OSBPL1A: variants seen among roughly 807,000 people sequenced by gnomAD.
OSBPL1A encodes the protein oxysterol binding protein like 1A, also known as oxysterol-binding protein-related protein 1.
Under a neutral mutation model 137.1 loss-of-function variants are expected in OSBPL1A, and 80 were observed. The ratio of observed to expected loss-of-function variants is 0.58; its 90% CI spans 0.49 to 0.70. The LOEUF is 0.70. OSBPL1A is among the 30% of genes least tolerant of loss of function. The probability of loss-of-function intolerance (pLI) is 0.00; values close to 1 mark genes in which losing one functional copy is unlikely to be tolerated. For synonymous variants in OSBPL1A, 365 were observed against 389.7 expected (o/e 0.94, Z 0.75); for missense variants, 970 against 1,129.4 (o/e 0.86, Z 2.02).
At chr18:24,240,963 A>G (rs1251299320) in intron 15 of OSBPL1A, among the ~76,000 whole-genome samples, 1 of 152,330 alleles carries the variant, frequency 6.6e-6, no homozygotes, top group South Asian at 2.1e-4. Context: ...GGCCTGAGAA[A>G]TAACACCACA....
At chr18:24,169,588 GA>G (rs1357056650) in intron 24 of OSBPL1A, among the ~76,000 whole-genome samples, 15 of 152,254 alleles carry the variant, frequency 9.9e-5, no homozygotes, top group African/African-American at 2.9e-4. Flanking sequence ...AGAGAGATGA[GA>G]AATCTCGGCT....
intron 15 of OSBPL1A, among the ~76,000 whole-genome samples, chr18:24,267,713 G>A (rs1235768708): frequency 6.6e-6 from 1 of 151,930 alleles, no homozygotes; most frequent in African/African-American, 2.4e-5. Flanking sequence ...AAGAACATCT[G>A]ATAAAACTCA....
At position 24,196,173 on chromosome 18, in the gene OSBPL1A, G is replaced by A. The variant is rs1264351186; in HGVS notation, c.1629C>T (p.Ser543=). ...TGCTCCAGATACTGAAGTCATTTCTGGAAAACATAGGAGAAGGCAAACTTG... is the reference window on the plus strand; with the variant it reads ...TGCTCCAGATACTGAAGTCATTTCTAGAAAACATAGGAGAAGGCAAACTTG... ...HRTSLPSPMF[S]RNDFSIWSIL... The change falls in exon 18 of 28, where the codon TCC becomes TCT. Residue 543 remains serine, a synonymous_variant. Transcript: ENST00000319481. The A allele has an allele frequency of 1.9e-6, 3 of 1,610,270 alleles. No individual in the cohort carries two copies. The African/African-American group carries it at 4.0e-5, about 22-fold the overall frequency.
At chr18:24,230,170 C>A (rs1318741414) in intron 16 of OSBPL1A, among the ~76,000 whole-genome samples, 2 of 152,188 alleles carry the variant, frequency 1.3e-5, no homozygotes, top group African/African-American at 4.8e-5. Context: ...TGCATCCTGC[C>A]TCCCATGTGC....
intron 16 of OSBPL1A, among the ~76,000 whole-genome samples, chr18:24,226,887 A>ATTTTTTTTTTTTTTTTTTTTTTTTT (rs5823416): frequency 9.9e-6 from 1 of 100,860 alleles, no homozygotes; most frequent in Non-Finnish European, 1.9e-5. Flanking sequence ...AAAGAAACAG[A>ATTTTTTTTTTTTTTTTTTTTTTTTT]TTTTTTTTTT....
intron 5 of OSBPL1A, among the ~76,000 whole-genome samples, chr18:24,337,081 T>C (rs1416186819): frequency 6.6e-6 from 1 of 152,208 alleles, no homozygotes; most frequent in Non-Finnish European, 1.5e-5. Flanking sequence ...TGGCATGGGA[T>C]AGAAACTCAC....
At chr18:24,221,480 GA>G (rs1567955474) in intron 17 of OSBPL1A, among the ~76,000 whole-genome samples, 1 of 152,006 alleles carries the variant, frequency 6.6e-6, no homozygotes, top group East Asian at 1.9e-4. Flanking sequence ...GAATCAGACA[GA>G]AAAAAAGTCC....
intron 4 of OSBPL1A, among the ~76,000 whole-genome samples, chr18:24,360,459 C>A (rs910852057): frequency 6.6e-6 from 1 of 152,222 alleles, no homozygotes; most frequent in Non-Finnish European, 1.5e-5. Context: ...AATTAGAAAC[C>A]AAACTCTTTG....
intron 26 of OSBPL1A, 72 bp from the exon 27 acceptor site, chr18:24,165,227 G>T: frequency 7.6e-7 from 1 of 1,324,394 alleles, no homozygotes. Context: ...TTAAGCACAA[G>T]AACTTCACAA....
intron 15 of OSBPL1A, among the ~76,000 whole-genome samples, chr18:24,261,725 A>T (rs368319280): frequency 3.9e-5 from 6 of 152,196 alleles, no homozygotes; most frequent in African/African-American, 1.4e-4. Flanking sequence ...CCCAGCTATG[A>T]GGAAGGCTAA....
At chr18:24,317,492 T>G (rs888464504) in intron 9 of OSBPL1A, 92 bp from the exon 10 acceptor site, 4 of 1,020,024 alleles carry the variant, frequency 3.9e-6, no homozygotes, top group African/African-American at 3.3e-5. Context: ...ACAGTCATAT[T>G]TGAGTCTTTA....
At chr18:24,342,084 CAAAAT>C (rs1412147313) in intron 4 of OSBPL1A, among the ~76,000 whole-genome samples, 1 of 152,064 alleles carries the variant, frequency 6.6e-6, no homozygotes, top group Non-Finnish European at 1.5e-5. Context: ...GATATTTAAA[CAAAAT>C]AAAGCATTAT....
At chr18:24,382,233 C>T (rs1436221819) in intron 1 of OSBPL1A, among the ~76,000 whole-genome samples, 14 of 73,434 alleles carry the variant, frequency 1.9e-4, no homozygotes, top group African/African-American at 9.6e-4. Flanking sequence ...AACGTCTCTA[C>T]TAAAAAAAAA....
At chr18:24,173,984 T>C (rs1214794881) in intron 21 of OSBPL1A, among the ~76,000 whole-genome samples, 1 of 152,212 alleles carries the variant, frequency 6.6e-6, no homozygotes, top group Non-Finnish European at 1.5e-5. Flanking sequence ...CCAGACGTCA[T>C]ATAAATGTAG....
intron 4 of OSBPL1A, among the ~76,000 whole-genome samples, chr18:24,348,975 T>C (rs1024766190): frequency 6.6e-6 from 1 of 151,736 alleles, no homozygotes; most frequent in African/African-American, 2.4e-5. Flanking sequence ...GAGACCAACC[T>C]AGGCAACGTG....
At position 24,217,258 on chromosome 18, in the gene OSBPL1A, C is replaced by CTT. The variant is rs562612104; in HGVS notation, c.1601+7782_1601+7783dup. ...TTTATTTTTTGAGACAAGTTTTGCT[C>CTT]TTTTTTTTTTTTTTTTTGAGACAGA... On this transcript the variant is annotated intron_variant, in intron 17 of 27. Transcript: ENST00000319481. Among the ~76,000 whole-genome samples the CTT allele has an allele frequency of 5.0e-3, 651 of 131,470 alleles. 8 individuals are homozygous for CTT. The highest frequency in any genetic ancestry group is 0.014 in the African/African-American group (484 of 35,558). 86.2% of individuals were successfully genotyped at this position (131,470 alleles called of 152,430 possible).
At chr18:24,188,497 G>C (rs12969593) in intron 18 of OSBPL1A, among the ~76,000 whole-genome samples, 25,565 of 152,186 alleles carry the variant, frequency 0.17, 2,851 homozygotes, top group East Asian at 0.41. Flanking sequence ...AATTCTACAA[G>C]CCTCTTTTAA....
chr18:24,328,216 G>GTTTTTTTTTTTTT (rs1292001089), intron 7 of OSBPL1A, among the ~76,000 whole-genome samples: 1 of 47,588 alleles, frequency 2.1e-5, no homozygotes, highest in East Asian at 4.4e-4. Flanking sequence ...CTAATTTTTT[G>GTTTTTTTTTTTTT]TATTTTTTTT....
intron 4 of OSBPL1A, among the ~76,000 whole-genome samples, chr18:24,342,151 G>A (rs989213772): frequency 6.6e-5 from 10 of 152,148 alleles, no homozygotes; most frequent in Non-Finnish European, 4.4e-5. Flanking sequence ...ATTATTGAAG[G>A]AATGGTTTAT....
Sources: gnomAD v4.1 joint callset for allele counts (sites outside exome capture counted in the v4.1 genomes callset) on GRCh38, gnomAD v4.1.1 for gene constraint, MANE v1.5 for transcripts, NCBI Gene and HGNC (gene_info 2026-07-23, HGNC 2026-07-21) for gene names.